MAPKBP1: variants seen among roughly 807,000 people sequenced by gnomAD.
MAPKBP1 encodes mitogen-activated protein kinase-binding protein 1.
MAPKBP1 carries 71 observed loss-of-function variants against 170.5 expected under a neutral mutation model. That is an observed-to-expected ratio of 0.42 (90% CI 0.34 to 0.51). MAPKBP1 has a LOEUF of 0.51. MAPKBP1 is among the 20% of genes least tolerant of loss of function. The pLI is 0.06. For missense variants in MAPKBP1, 1,598 were observed against 1,933.0 expected (o/e 0.83, Z 3.25); for synonymous variants, 719 against 757.9 (o/e 0.95, Z 0.84).
chr15:41,786,698 G>C (rs2064297488), intron 2 of MAPKBP1, among the ~76,000 whole-genome samples: 1 of 142,974 alleles, frequency 7.0e-6, no homozygotes, highest in Non-Finnish European at 1.5e-5. Context: ...CCGGAAGGCA[G>C]AGCTTGCAGT....
At chr15:41,823,368 A>G (rs2065033861) in intron 28 of MAPKBP1, 79 bp from the exon 29 acceptor site, 3 of 1,552,046 alleles carry the variant, frequency 1.9e-6, no homozygotes, top group Non-Finnish European at 2.6e-6. Context: ...GGGGAACAGC[A>G]GCTCTTCGGG....
chr15:41,817,512 C>G lies in MAPKBP1; in HGVS notation c.1782+54C>G, dbSNP rs1184764376. 11 of 1,613,714 alleles carry G rather than the reference C, an allele frequency of 6.8e-6. No homozygotes were observed. In the East Asian group the frequency reaches 2.2e-4, roughly 33 times the overall value. On this transcript the variant is annotated intron_variant, in intron 15 of 30. Transcript: ENST00000457542. This position sits in a 1 kb window ranked among gnomAD's most constrained non-coding sequence, Gnocchi z 4.2. The stretch of plus-strand genomic sequence containing the variant: ...GCGGGACAGGGCGGGGTCTGCCATT[C>G]CCTGCCTAAGGTTACAAGAGGTGAA...
At chr15:41,782,481 A>G (rs1024842780) in intron 2 of MAPKBP1, among the ~76,000 whole-genome samples, 1 of 152,174 alleles carries the variant, frequency 6.6e-6, no homozygotes, top group African/African-American at 2.4e-5. Flanking sequence ...CATTTTACAT[A>G]TACTATCTTA....
intron 13 of MAPKBP1, 102 bp downstream of exon 13, chr15:41,816,752 T>G: frequency 1.4e-6 from 2 of 1,433,838 alleles, no homozygotes; most frequent in Non-Finnish European, 1.9e-6. Context: ...CTTTGGATCA[T>G]TGGTGTCTTT....
chr15:41,800,033 G>A, intron 3 of MAPKBP1, 119 bp downstream of exon 3: 1 of 858,716 alleles, frequency 1.2e-6, no homozygotes, highest in South Asian at 1.5e-5. Context: ...TTAATGTTTT[G>A]TTGTCATTTT....
At chr15:41,781,401 T>TG (rs1396464861) in intron 2 of MAPKBP1, among the ~76,000 whole-genome samples, 3 of 139,642 alleles carry the variant, frequency 2.1e-5, no homozygotes, top group Admixed American at 1.4e-4. Flanking sequence ...GTTTTTTTGT[T>TG]TTTTTTTTTT....
At chr15:41,782,262 A>AAAG (rs2064203554) in intron 2 of MAPKBP1, among the ~76,000 whole-genome samples, 1 of 150,950 alleles carries the variant, frequency 6.6e-6, no homozygotes, top group South Asian at 2.1e-4. Flanking sequence ...TCTGTCTCAA[A>AAAG]AAAAAAAAAA....
intron 2 of MAPKBP1, among the ~76,000 whole-genome samples, chr15:41,779,403 G>A (rs942449091): frequency 3.9e-5 from 6 of 152,148 alleles, no homozygotes; most frequent in Non-Finnish European, 7.3e-5. Context: ...TAGAAACGGT[G>A]TTTCACCATG....
chr15:41,817,377 C>T lies in MAPKBP1; in HGVS notation c.1712-11C>T. ...GAACAGTGGGAACAGCTGGGCTTCCCTCCTTCATAGCCAGTGATGGGCAAG... is the reference window on the plus strand; with the variant it reads ...GAACAGTGGGAACAGCTGGGCTTCCTTCCTTCATAGCCAGTGATGGGCAAG... On this transcript the variant is annotated splice_polypyrimidine_tract_variant and intron_variant, in intron 14 of 30. Transcript: ENST00000457542. This position sits in a 1 kb window ranked among gnomAD's most constrained non-coding sequence, Gnocchi z 4.2. 1 of 1,614,082 alleles carries T rather than the reference C, an allele frequency of 6.2e-7. No individual in the cohort carries two copies. Among genetic ancestry groups the T allele is most frequent in the Non-Finnish European group, 8.5e-7 (1 of 1,179,966 alleles).
intron 3 of MAPKBP1, among the ~76,000 whole-genome samples, chr15:41,806,944 C>T (rs2064708124): frequency 6.6e-6 from 1 of 152,232 alleles, no homozygotes; most frequent in African/African-American, 2.4e-5. Context: ...GGCTATGCTG[C>T]TCTCACTTCA....
intron 2 of MAPKBP1, among the ~76,000 whole-genome samples, chr15:41,792,364 C>G (rs2064410247): frequency 6.6e-6 from 1 of 151,990 alleles, no homozygotes; most frequent in South Asian, 2.1e-4. Flanking sequence ...TCACATTATA[C>G]TTGTAGTAAT....
At chr15:41,820,348 G>A (rs182834185) in intron 22 of MAPKBP1, among the ~76,000 whole-genome samples, 14 of 152,306 alleles carry the variant, frequency 9.2e-5, no homozygotes. Flanking sequence ...AGCTATTGGA[G>A]TGATTGGGGT....
intron 9 of MAPKBP1, among the ~76,000 whole-genome samples, chr15:41,814,189 T>C (rs1227513937): frequency 2.6e-5 from 4 of 152,226 alleles, no homozygotes; most frequent in Non-Finnish European, 4.4e-5. Flanking sequence ...CCAGCAGTCA[T>C]GTAGATGGGA....
intron 27 of MAPKBP1, 130 bp from the exon 28 acceptor site, chr15:41,822,809 C>A: frequency 6.8e-7 from 1 of 1,460,902 alleles, no homozygotes; most frequent in Non-Finnish European, 9.4e-7. Context: ...GGCTAACTGG[C>A]CTTTCCCCAG....
chr15:41,777,265 C>T (rs1395445836), intron 2 of MAPKBP1, among the ~76,000 whole-genome samples: 3 of 151,004 alleles, frequency 2.0e-5, no homozygotes, highest in Non-Finnish European at 4.4e-5. Flanking sequence ...CGCCTGAACC[C>T]GGGAGGCTGA....
intron 2 of MAPKBP1, among the ~76,000 whole-genome samples, chr15:41,787,767 T>C (rs937333890): frequency 6.6e-6 from 1 of 152,126 alleles, no homozygotes; most frequent in Non-Finnish European, 1.5e-5. Flanking sequence ...TTTGTAATCA[T>C]GTATGGCACA....
At chr15:41,816,755 G>C (rs1306368453) in intron 13 of MAPKBP1, 105 bp downstream of exon 13, 2 of 1,442,850 alleles carry the variant, frequency 1.4e-6, no homozygotes, top group Non-Finnish European at 1.9e-6. Context: ...TGGATCATTG[G>C]TGTCTTTGCT....
chr15:41,812,028 C>G lies in MAPKBP1; in HGVS notation c.399C>G (p.His133Gln). 1 of 1,614,094 alleles carries G rather than the reference C, an allele frequency of 6.2e-7. No homozygotes were observed. Among genetic ancestry groups the G allele is most frequent in the Non-Finnish European group, 8.5e-7 (1 of 1,180,024 alleles). The change falls in exon 6 of 31, where the codon CAC becomes CAG. Residue 133 changes from histidine to glutamine, a missense_variant. This residue lies in a region of MAPKBP1 where 151 missense variants were observed against 191.4 expected (regional missense o/e 0.79). Transcript: ENST00000457542. ...EHSQVAELQE[H>Q]KYGVACVAFS... ...GCCAGGTGGCCGAGCTGCAGGAGCA[C>G]AAGTATGGTGTGGCTTGTGTGGCCT...
At position 41,812,408 on chromosome 15, in the gene MAPKBP1, A is replaced by G. The variant is rs1053631297; in HGVS notation, c.499-108A>G. 1.1e-4 allele frequency: 169 copies of G among 1,481,932 alleles called. 1 individual carries two copies. Among genetic ancestry groups the G allele is most frequent in the Non-Finnish European group, 1.6e-4 (165 of 1,061,320 alleles). 91.8% of individuals were successfully genotyped at this position (1,481,932 alleles called of 1,614,324 possible). A position where few individuals can be genotyped will look rare whatever the true frequency, so the allele number is the denominator to read the frequency against. On this transcript the variant is annotated intron_variant, in intron 6 of 30. Transcript: ENST00000457542. ...TTTTTCTGGCCAGTAAATTCTGGAAAGAAACACTTTGTCAAGTACAAATTC... is the reference window on the plus strand; with the variant it reads ...TTTTTCTGGCCAGTAAATTCTGGAAGGAAACACTTTGTCAAGTACAAATTC...
Sources: allele counts gnomAD v4.1 joint callset (sites outside exome capture counted in the v4.1 genomes callset), GRCh38; gene constraint gnomAD v4.1.1; regional missense constraint gnomAD v4.1.1; non-coding constraint Gnocchi (gnomAD v3.1); transcripts MANE v1.5; gene names NCBI Gene and HGNC (gene_info 2026-07-23, HGNC 2026-07-21).